CWC25: variants seen among roughly 807,000 people sequenced by gnomAD.
CWC25 encodes the protein pre-mRNA-splicing factor CWC25 homolog.
In CWC25, 31 loss-of-function variants were observed where a neutral mutation model predicts 54.6. The ratio of observed to expected loss-of-function variants is 0.57; its 90% confidence interval spans 0.43 to 0.77. The LOEUF (loss-of-function observed/expected upper bound fraction) is 0.77. CWC25 is among the 30% of genes least tolerant of loss of function. The probability of loss-of-function intolerance (pLI) is 0.00; values close to 1 mark genes in which losing one functional copy is unlikely to be tolerated. For missense variants in CWC25, 453 were observed against 529.3 expected, an observed-to-expected ratio of 0.86 and a Z score of 1.41; for synonymous variants, 151 against 187.0, an observed-to-expected ratio of 0.81 and a Z score of 1.57.
At chr17:38,821,838 C>T (rs1370157946) in intron 1 of CWC25, among the ~76,000 whole-genome samples, 2 of 151,304 alleles carry the variant, frequency 1.3e-5, no homozygotes, top group Admixed American at 1.3e-4. Flanking sequence ...GCAGCTATCT[C>T]GGCTGACTGC....
At chr17:38,805,032 A>T (rs1406369857) in intron 8 of CWC25, among the ~76,000 whole-genome samples, 2 of 151,516 alleles carry the variant, frequency 1.3e-5, no homozygotes, top group Non-Finnish European at 2.9e-5. Flanking sequence ...ACTTGGGCCC[A>T]GGAGGCGGAA....
intron 2 of CWC25, among the ~76,000 whole-genome samples, chr17:38,815,433 T>A (rs7209883): frequency 0.1 from 15,965 of 152,140 alleles, 2,280 homozygotes; most frequent in African/African-American, 0.33. Flanking sequence ...GGCGGACGCC[T>A]GTAATCCCAC....
rs1043084481 is a variant in CWC25, at chr17:38,809,607, C to G, written c.690+95G>C. On this transcript the variant is annotated intron_variant, in intron 6 of 9. Transcript: ENST00000614790. ...AGAATGGGCCTGTTTCCCAGCAGCC[C>G]AGGCTTCACTGCCCACCTCCCTGCT... 8.5e-6 allele frequency: 10 copies of G among 1,173,844 alleles called. No individual in the cohort carries two copies. In the Admixed American group the frequency reaches 1.1e-4, roughly 12 times the overall value. 72.7% of individuals were successfully genotyped at this position (1,173,844 alleles called of 1,614,324 possible). A position where few individuals can be genotyped will look rare whatever the true frequency, so the allele number is the denominator to read the frequency against.
Position 38,825,203 on chromosome 17 carries a change from C to T in CWC25, c.-20G>A. 2.5e-6 allele frequency: 4 copies of T among 1,590,292 alleles called. No homozygotes were observed. Among genetic ancestry groups the T allele is most frequent in the Non-Finnish European group, 3.4e-6 (4 of 1,169,096 alleles). On this transcript the variant is annotated 5_prime_UTR_variant, in exon 1 of 10. Coordinates refer to ENST00000614790, the MANE Select transcript of CWC25 (RefSeq NM_017748.5). ...CCCCATGACGGTGGAGACGATTCCT[C>T]ACTACGCGGATCTGGAAGATTTCGG...
chr17:38,810,912 CTG>C (rs1490500861), intron 4 of CWC25, among the ~76,000 whole-genome samples: 1 of 90,084 alleles, frequency 1.1e-5, no homozygotes, highest in Non-Finnish European at 2.0e-5. Context: ...CAGAGTGAAA[CTG>C]TGTCTCAAAA....
At position 38,801,168 on chromosome 17, in the gene CWC25, C is replaced by CA. The variant is rs1372149110; in HGVS notation, c.*923dup. The CA allele has an allele frequency of 6.6e-6, 1 of 152,072 alleles. No individual in the cohort carries two copies. The highest frequency in any genetic ancestry group is 1.5e-5 in the Non-Finnish European group (1 of 68,020). 9.4% of individuals were successfully genotyped at this position (152,072 alleles called of 1,614,324 possible). On this transcript the variant is annotated 3_prime_UTR_variant, in exon 10 of 10. Coordinates refer to ENST00000614790, the MANE Select transcript of CWC25 (RefSeq NM_017748.5). ...ATCTGTAATTGTAGTAAGGTTACTACACGGTAAGAAGTGAAGCCGCAAAAT... is the reference window on the plus strand; with the variant it reads ...ATCTGTAATTGTAGTAAGGTTACTACAACGGTAAGAAGTGAAGCCGCAAAAT...
intron 9 of CWC25, 95 bp downstream of exon 9, chr17:38,802,605 T>G (rs977388821): frequency 8.2e-5 from 119 of 1,443,418 alleles, no homozygotes; most frequent in Non-Finnish European, 6.6e-6. Flanking sequence ...GGGCTCCATG[T>G]GCAAACACAG....
At chr17:38,821,355 G>A (rs925990065) in intron 1 of CWC25, among the ~76,000 whole-genome samples, 6 of 152,144 alleles carry the variant, frequency 3.9e-5, no homozygotes, top group African/African-American at 1.4e-4. Context: ...GAGGTCAGGA[G>A]TTTTAGACCA....
intron 2 of CWC25, among the ~76,000 whole-genome samples, chr17:38,817,090 T>C (rs1204184398): frequency 2.6e-5 from 4 of 151,062 alleles, no homozygotes; most frequent in African/African-American, 9.7e-5. Context: ...CTTATAATCC[T>C]AGAACTTTGG....
chr17:38,810,681 A>G (rs1179504075), intron 4 of CWC25, 86 bp from the exon 5 acceptor site: 2 of 740,546 alleles, frequency 2.7e-6, no homozygotes, highest in Admixed American at 4.0e-5. Flanking sequence ...GCACTTTGGG[A>G]GGCTGAGTGG....
chr17:38,805,512 T>C (rs1266393272), intron 8 of CWC25, among the ~76,000 whole-genome samples: 1 of 152,126 alleles, frequency 6.6e-6, no homozygotes, highest in Non-Finnish European at 1.5e-5. Context: ...TAGTGTCTTA[T>C]TATGTTGCTC....
intron 3 of CWC25, 136 bp from the exon 4 acceptor site, chr17:38,813,000 C>G: frequency 1.7e-6 from 1 of 594,834 alleles, no homozygotes; most frequent in Non-Finnish European, 3.0e-6. Flanking sequence ...GTGGTGTGCA[C>G]CTGTAATCCC....
chr17:38,804,252 TA>T (rs1223585713), intron 8 of CWC25, among the ~76,000 whole-genome samples: 2 of 152,194 alleles, frequency 1.3e-5, no homozygotes, highest in East Asian at 3.9e-4. Flanking sequence ...TGAATCCACA[TA>T]CTCACTGAAC....
chr17:38,821,112 G>A (rs1436983401), intron 1 of CWC25, 39 bp from the exon 2 acceptor site: 2 of 1,589,070 alleles, frequency 1.3e-6, no homozygotes, highest in East Asian at 2.2e-5. Flanking sequence ...AATTCGGGGG[G>A]TGACTGAGTG....
At position 38,825,149 on chromosome 17, in the gene CWC25, G is replaced by A; in HGVS notation, c.18+17C>T. Reference sequence around the variant, plus strand: ...CCCGGCCTCAGTCCTCCCCCGCCCAGGCCTCCCTCCACTCACCAGGTCTCC... The same window carrying A: ...CCCGGCCTCAGTCCTCCCCCGCCCAAGCCTCCCTCCACTCACCAGGTCTCC... On this transcript the variant is annotated intron_variant, in intron 1 of 9. Transcript: ENST00000614790. 2 of 1,495,282 alleles carry A rather than the reference G, an allele frequency of 1.3e-6. No homozygotes were observed. The highest frequency in any genetic ancestry group is 1.8e-6 in the Non-Finnish European group (2 of 1,109,296). 92.6% of individuals were successfully genotyped at this position (1,495,282 alleles called of 1,614,324 possible).
chr17:38,809,955 T>TG, intron 5 of CWC25, 190 bp from the exon 6 acceptor site: 2 of 569,884 alleles, frequency 3.5e-6, no homozygotes, highest in Middle Eastern at 3.7e-4. Context: ...AATTTTCCTG[T>TG]GAAAAACTGT....
At chr17:38,807,034 A>G in intron 6 of CWC25, 58 bp from the exon 7 acceptor site, 2 of 1,453,192 alleles carry the variant, frequency 1.4e-6, no homozygotes, top group South Asian at 2.5e-5. Flanking sequence ...ATTCAGGAGA[A>G]AACGCGGCCG....
intron 1 of CWC25, among the ~76,000 whole-genome samples, chr17:38,823,808 G>T (rs977088180): frequency 3.3e-5 from 5 of 152,142 alleles, no homozygotes; most frequent in Admixed American, 6.6e-5. Context: ...ATCTTCTGGA[G>T]TCATTTTTGG....
intron 2 of CWC25, among the ~76,000 whole-genome samples, chr17:38,819,479 G>A (rs228254): frequency 1.3e-5 from 2 of 151,120 alleles, no homozygotes; most frequent in Admixed American, 6.6e-5. Context: ...CGATTCTCCT[G>A]CCTTAGCTTC....
Sources: allele counts gnomAD v4.1 joint callset (sites outside exome capture counted in the v4.1 genomes callset), GRCh38; gene constraint gnomAD v4.1.1; transcripts MANE v1.5; gene names NCBI Gene and HGNC (gene_info 2026-07-23, HGNC 2026-07-21).